NRG1: variants seen among roughly 807,000 people sequenced by gnomAD.
The protein encoded by NRG1 is neuregulin 1.
Under a neutral mutation model 63.8 loss-of-function variants are expected in NRG1, and 18 were observed. The ratio of observed to expected loss-of-function variants is 0.28; its 90% CI spans 0.19 to 0.42. The LOEUF (loss-of-function observed/expected upper bound fraction) is 0.42, where lower values mean the gene tolerates loss of function less well. NRG1 is among the 10% of genes least tolerant of loss of function. NRG1 has a pLI of 1.00. For synonymous variants in NRG1, 302 were observed against 301.3 expected, an observed-to-expected ratio of 1.00 and a Z score of -0.02; for missense variants, 762 against 814.7, an observed-to-expected ratio of 0.94 and a Z score of 0.79.
intron 1 of NRG1, among the ~76,000 whole-genome samples, chr8:31,650,015 G>A (rs1243053266): frequency 6.6e-6 from 1 of 151,946 alleles, no homozygotes; most frequent in African/African-American, 2.4e-5. Context: ...GTCTTGCTCT[G>A]TCATCCAGGC....
chr8:32,338,767 A>T lies in NRG1; in HGVS notation c.38-257061A>T, dbSNP rs554132445. On this transcript the variant is annotated intron_variant, in intron 1 of 10. Transcript: ENST00000519301. ...AATTAAATGTTTACCACTTGGCAAA[A>T]ATGATACTTTGGTAAATCCAAACAT... Among the ~76,000 whole-genome samples, 60 of 152,312 alleles carry T rather than the reference A, an allele frequency of 3.9e-4. 2 individuals are homozygous for T. The highest frequency in any genetic ancestry group is 7.1e-4 in the Non-Finnish European group (48 of 68,006).
intron 1 of NRG1, among the ~76,000 whole-genome samples, chr8:32,444,403 A>G (rs7833615): frequency 0.77 from 117,491 of 152,182 alleles, 45,560 homozygotes; most frequent in East Asian, 0.89. Context: ...ACCTCCCAAA[A>G]TGCTGGGATT....
intron 1 of NRG1, among the ~76,000 whole-genome samples, chr8:32,307,998 C>T (rs547448771): frequency 4.6e-5 from 7 of 152,282 alleles, no homozygotes; most frequent in African/African-American, 1.2e-4. Flanking sequence ...ACTCCGACCA[C>T]GCTGGGTGAG....
chr8:31,881,127 C>T (rs1830315436), intron 1 of NRG1, among the ~76,000 whole-genome samples: 1 of 152,060 alleles, frequency 6.6e-6, no homozygotes, highest in Admixed American at 6.6e-5. Flanking sequence ...TTTTATTGCA[C>T]TTTGCTTTAT....
At chr8:31,808,846 A>G (rs1052647575) in intron 1 of NRG1, among the ~76,000 whole-genome samples, 1 of 152,038 alleles carries the variant, frequency 6.6e-6, no homozygotes, top group Non-Finnish European at 1.5e-5. Context: ...AGATGTGAAC[A>G]TAAGGTGTCT....
At chr8:32,489,728 A>G (rs1353682462) in intron 1 of NRG1, among the ~76,000 whole-genome samples, 1 of 152,228 alleles carries the variant, frequency 6.6e-6, no homozygotes, top group Non-Finnish European at 1.5e-5. Context: ...TCACTTAACA[A>G]TAGCTGGCAA....
At chr8:32,356,657 T>G (rs17633955) in intron 1 of NRG1, among the ~76,000 whole-genome samples, 1 of 152,108 alleles carries the variant, frequency 6.6e-6, no homozygotes, top group Non-Finnish European at 1.5e-5. Flanking sequence ...TTAGGGTCAA[T>G]CTTTAAAACT....
At chr8:32,413,544 G>A (rs553351979) in intron 1 of NRG1, among the ~76,000 whole-genome samples, 1 of 152,192 alleles carries the variant, frequency 6.6e-6, no homozygotes, top group Non-Finnish European at 1.5e-5. Flanking sequence ...GCTCACGCCT[G>A]TAATCTCAGC....
intron 1 of NRG1, among the ~76,000 whole-genome samples, chr8:32,221,358 C>T (rs1029996966): frequency 1.3e-5 from 2 of 152,080 alleles, no homozygotes; most frequent in Non-Finnish European, 2.9e-5. Flanking sequence ...CTTCGTTTTC[C>T]CTCTAATCTA....
intron 1 of NRG1, among the ~76,000 whole-genome samples, chr8:32,010,308 G>T (rs1163415005): frequency 2.0e-5 from 3 of 152,036 alleles, no homozygotes; most frequent in Non-Finnish European, 4.4e-5. Flanking sequence ...AATATACATG[G>T]AATATGCCAT....
intron 1 of NRG1, among the ~76,000 whole-genome samples, chr8:32,402,453 T>C (rs1397344696): frequency 6.6e-6 from 1 of 152,190 alleles, no homozygotes; most frequent in Non-Finnish European, 1.5e-5. Flanking sequence ...AAGTGTTAAA[T>C]TGCATGCCAT....
chr8:31,997,699 T>G (rs7007581), intron 1 of NRG1, among the ~76,000 whole-genome samples: 7,325 of 152,006 alleles, frequency 0.048, 552 homozygotes, highest in African/African-American at 0.16. Flanking sequence ...CTCCTTCTAC[T>G]GTGCTTTGCT....
chr8:32,179,468 G>A (rs1480648525), intron 1 of NRG1, among the ~76,000 whole-genome samples: 1 of 152,184 alleles, frequency 6.6e-6, no homozygotes. Flanking sequence ...AGAAAAGTGA[G>A]AAGCTTCTTT....
chr8:31,950,732 GT>G (rs1803342421), intron 1 of NRG1, among the ~76,000 whole-genome samples: 1 of 152,078 alleles, frequency 6.6e-6, no homozygotes. Context: ...TACATAATAT[GT>G]TTTCTATCTG....
chr8:32,302,313 T>G (rs1021676670), intron 1 of NRG1, among the ~76,000 whole-genome samples: 1 of 152,162 alleles, frequency 6.6e-6, no homozygotes, highest in Admixed American at 6.5e-5. Context: ...AGTGAGGCAT[T>G]TGGTACTCCA....
chr8:32,259,716 TA>T (rs1563242810), intron 1 of NRG1, among the ~76,000 whole-genome samples: 1 of 152,120 alleles, frequency 6.6e-6, no homozygotes, highest in Admixed American at 6.6e-5. Flanking sequence ...ATAGAGAAGG[TA>T]AATGAATTCA....
intron 1 of NRG1, among the ~76,000 whole-genome samples, chr8:32,587,302 T>A (rs137861529): frequency 2.0e-5 from 3 of 151,908 alleles, no homozygotes; most frequent in Non-Finnish European, 4.4e-5. Context: ...GACTCTGAAA[T>A]TAGGTGAAAT....
intron 1 of NRG1, among the ~76,000 whole-genome samples, chr8:32,419,100 GA>G (rs1159663979): frequency 6.6e-6 from 1 of 152,202 alleles, no homozygotes; most frequent in Non-Finnish European, 1.5e-5. Context: ...TTCAGCACTT[GA>G]GAGATGGATT....
At chr8:32,625,037 T>C (rs1341743360) in intron 5 of NRG1, among the ~76,000 whole-genome samples, 9 of 152,306 alleles carry the variant, frequency 5.9e-5, no homozygotes, top group Middle Eastern at 3.4e-3. Flanking sequence ...ATAACACTGA[T>C]TGAGGTTTTA....
Sources: gnomAD v4.1 joint callset for allele counts (sites outside exome capture counted in the v4.1 genomes callset) on GRCh38, gnomAD v4.1.1 for gene constraint, MANE v1.5 for transcripts, NCBI Gene and HGNC (gene_info 2026-07-23, HGNC 2026-07-21) for gene names.